The following BCORL1 variants were observed in gnomAD, a reference collection of about 807,000 sequenced individuals.
BCORL1 encodes BCL-6 corepressor-like protein 1.
BCORL1 carries 7 observed loss-of-function variants against 87.6 expected under a neutral mutation model. That is an observed-to-expected ratio of 0.08 (90% CI 0.05 to 0.15). The LOEUF (loss-of-function observed/expected upper bound fraction) is 0.15. BCORL1 is among the 10% of genes least tolerant of loss of function. The pLI, the probability that BCORL1 is intolerant of heterozygous loss-of-function variation, is 1.00. For missense variants in BCORL1, 1,215 were observed against 1,499.7 expected (o/e 0.81, Z 3.13); for synonymous variants, 591 against 634.4 (o/e 0.93, Z 1.03).
At chrX:130,021,593 C>T (rs1394865785) in intron 5 of BCORL1, among the ~76,000 whole-genome samples, 1 of 111,760 alleles carries the variant, frequency 8.9e-6, no homozygotes, top group African/African-American at 3.3e-5. Flanking sequence ...AAATCTTAAA[C>T]GTTTATTATC....
chrX:130,044,221 C>T (rs1022957589), intron 11 of BCORL1, among the ~76,000 whole-genome samples: 4 of 110,089 alleles, frequency 3.6e-5, no homozygotes, highest in Non-Finnish European at 7.6e-5. Context: ...AATTTTTTTA[C>T]TTTGCTGTCT....
intron 11 of BCORL1, among the ~76,000 whole-genome samples, chrX:130,048,100 C>A (rs1931863293): frequency 8.9e-6 from 1 of 112,262 alleles, no homozygotes; most frequent in African/African-American, 3.2e-5. Context: ...ACTCTGAAAG[C>A]TTCTCTCTGG....
At chrX:129,986,188 A>T (rs1383740523) in intron 1 of BCORL1, among the ~76,000 whole-genome samples, 1 of 111,960 alleles carries the variant, frequency 8.9e-6, no homozygotes. Flanking sequence ...GAGGATTTTT[A>T]AAAAATTTTT....
chrX:130,049,245 A>G (rs771997026), intron 11 of BCORL1, among the ~76,000 whole-genome samples: 17 of 112,506 alleles, frequency 1.5e-4, no homozygotes, highest in Non-Finnish European at 3.0e-4. Context: ...CAGCTGAACC[A>G]TTGAGTATTT....
At chrX:130,044,047 A>C (rs1040676646) in intron 11 of BCORL1, among the ~76,000 whole-genome samples, 7 of 105,258 alleles carry the variant, frequency 6.7e-5, no homozygotes, top group Non-Finnish European at 9.7e-5. Flanking sequence ...CTGGGATTAC[A>C]GGCGTGAGCC....
chrX:130,012,879 C>T, intron 3 of BCORL1, 71 bp from the exon 4 acceptor site: 1 of 1,151,635 alleles, frequency 8.7e-7, no homozygotes, highest in Non-Finnish European at 1.2e-6. Context: ...GCAGTTGCCT[C>T]TCGGGCCTCA....
chrX:130,032,107 G>C (rs1930641353), intron 8 of BCORL1, among the ~76,000 whole-genome samples: 1 of 111,650 alleles, frequency 9.0e-6, no homozygotes, highest in African/African-American at 3.3e-5. Context: ...TATCTATTGG[G>C]GTATAACAAA....
At chrX:130,037,307 G>A (rs905351713) in intron 9 of BCORL1, 60 bp from the exon 10 acceptor site, 1 of 1,132,674 alleles carries the variant, frequency 8.8e-7, no homozygotes, top group Middle Eastern at 2.4e-4. Flanking sequence ...GAGTCTCAGG[G>A]TTATATAAGT....
chrX:130,031,351 AC>A (rs1388490212), intron 8 of BCORL1, among the ~76,000 whole-genome samples: 1 of 111,871 alleles, frequency 8.9e-6, no homozygotes, highest in Non-Finnish European at 1.9e-5. Context: ...CTTGGGATTG[AC>A]CAGAGGAAAC....
In BCORL1 at chrX:130,015,511, G is replaced by A. The variant is rs755067383; in HGVS notation, c.2739G>A (p.Lys913=). Residue 913 remains lysine (K), a synonymous_variant, in exon 4 of 14, where the codon AAG becomes AAA. Transcript: ENST00000540052. ...ACAAAACTTGCCGGATTGCTGCCAA[G>A]CCTTATGAAGAACAAGTCAATCCTG... is the stretch of plus-strand genomic sequence containing the variant. ...TKNKTCRIAA[K]PYEEQVNPVL... 14 of 1,211,053 alleles carry A rather than the reference G, an allele frequency of 1.2e-5. No individual in the cohort carries two copies. In the South Asian group the frequency reaches 2.3e-4, roughly 20 times the overall value.
rs368979206 is a variant in BCORL1, at chrX:130,013,539, C to T, written c.767C>T (p.Pro256Leu). The change falls in exon 4 of 14, where the codon CCG becomes CTG. Residue 256 changes from proline to leucine, a missense_variant. By Grantham distance (98) the Pro-to-Leu change is moderately conservative (BLOSUM62 -3). This residue lies in a region of BCORL1 where 861 missense variants were observed against 1,010.0 expected (regional missense o/e 0.85). Coordinates refer to ENST00000540052, the MANE Select transcript of BCORL1 (RefSeq NM_001379451.1). ...CCTTCCCCTCCCTTAGCACCTGTCC[C>T]GGCTCTGGCTCCAGCGCCACCGTCA... ...PAPSPPLAPV[P>L]ALAPAPPSVP... 1.1e-5 allele frequency: 13 copies of T among 1,209,138 alleles called. No homozygotes were observed. Among genetic ancestry groups the T allele is most frequent in the East Asian group, 5.9e-5 (2 of 33,735 alleles).
chrX:130,000,931 G>A (rs192750915), intron 1 of BCORL1, among the ~76,000 whole-genome samples: 1,267 of 102,060 alleles, frequency 0.012, 17 homozygotes, highest in African/African-American at 0.035. Context: ...TGTGTGTGTC[G>A]GGGGGTGGCT....
intron 1 of BCORL1, among the ~76,000 whole-genome samples, chrX:130,003,213 C>T (rs1342756057): frequency 1.8e-5 from 2 of 111,048 alleles, no homozygotes; most frequent in Admixed American, 1.9e-4. Context: ...CGTGGCTACT[C>T]CTTTACCTCA....
intron 2 of BCORL1, among the ~76,000 whole-genome samples, chrX:130,008,211 C>T (rs1928647967): frequency 9.0e-6 from 1 of 110,684 alleles, no homozygotes; most frequent in South Asian, 3.9e-4. Context: ...TGAGCCACTG[C>T]ACCCAGCCAG....
In BCORL1 at chrX:130,015,715, G is replaced by A. The variant is rs1446202783; in HGVS notation, c.2943G>A (p.Lys981=). 8.3e-7 allele frequency: 1 copy of A among 1,210,356 alleles called. No individual in the cohort carries two copies. The highest frequency in any genetic ancestry group is 1.7e-5 in the African/African-American group (1 of 57,246). Residue 981 remains lysine (K), a synonymous_variant, in exon 4 of 14, where the codon AAG becomes AAA. Transcript: ENST00000540052. ...ACGLKLAGDT[K]PKNQVLATYM... is the part of the protein sequence containing the mutation. ...GCCTGAAGCTGGCAGGAGACACGAAGCCTAAGAACCAAGTGCTGGCCACCT... is the reference window on the plus strand; with the variant it reads ...GCCTGAAGCTGGCAGGAGACACGAAACCTAAGAACCAAGTGCTGGCCACCT...
intron 2 of BCORL1, chrX:130,010,442 A>C (rs1383389452): frequency 9.6e-6 from 1 of 104,514 alleles, no homozygotes; most frequent in African/African-American, 3.5e-5. Flanking sequence ...CCCTTCCCCG[A>C]GACCACCCTG....
At chrX:129,982,517 G>C (rs1246296440), upstream of BCORL1, 2 of 109,303 alleles carry the variant, frequency 1.8e-5, no homozygotes, top group Non-Finnish European at 3.8e-5. Context: ...GGTGGAGCGG[G>C]GGTTGGCGCC....
intron 1 of BCORL1, among the ~76,000 whole-genome samples, chrX:129,986,303 C>T (rs906514858): frequency 8.9e-6 from 1 of 112,178 alleles, no homozygotes; most frequent in Admixed American, 9.5e-5. Flanking sequence ...AGCTAAGGCC[C>T]TGGCAAGCTC....
At chrX:130,040,805 C>T (rs1162285388) in intron 11 of BCORL1, among the ~76,000 whole-genome samples, 1 of 111,991 alleles carries the variant, frequency 8.9e-6, no homozygotes. Flanking sequence ...GTGTTATCTG[C>T]ACTCCACTGG....
Sources: gnomAD v4.1 joint callset for allele counts (sites outside exome capture counted in the v4.1 genomes callset) on GRCh38, gnomAD v4.1.1 for gene constraint, gnomAD v4.1.1 regional missense constraint, MANE v1.5 for transcripts, NCBI Gene and HGNC (gene_info 2026-07-23, HGNC 2026-07-21) for gene names.